Variants in BACE1 observed in about 807,000 individuals in gnomAD.
BACE1 encodes the protein APP beta-secretase.
BACE1 carries 21 observed loss-of-function variants against 54.0 expected under a neutral mutation model. The observed-to-expected ratio is 0.39, with a 90% CI of 0.28 to 0.56. The LOEUF (loss-of-function observed/expected upper bound fraction) is 0.56, where lower values mean the gene tolerates loss of function less well. Among genes scored for constraint, BACE1 ranks in the 20% least tolerant of loss-of-function variants. The probability of loss-of-function intolerance (pLI) is 0.63; values close to 1 mark genes in which losing one functional copy is unlikely to be tolerated. For synonymous variants in BACE1, 232 were observed against 260.9 expected, an observed-to-expected ratio of 0.89 and a Z score of 1.07; for missense variants, 511 against 661.2, an observed-to-expected ratio of 0.77 and a Z score of 2.49.
chr11:117,307,901 C>G (rs192522338), intron 1 of BACE1, among the ~76,000 whole-genome samples: 2 of 152,256 alleles, frequency 1.3e-5, no homozygotes, highest in East Asian at 1.9e-4. Context: ...GTCTTGCTGG[C>G]TTTGTCTAAT....
chr11:117,294,069 C>G, intron 3 of BACE1, 61 bp from the exon 4 acceptor site: 1 of 1,560,600 alleles, frequency 6.4e-7, no homozygotes, highest in Non-Finnish European at 8.7e-7. Flanking sequence ...AGGCCAGCTT[C>G]CTGTCTAAAC....
chr11:117,306,157 G>A (rs1442958680), intron 1 of BACE1, among the ~76,000 whole-genome samples: 1 of 152,198 alleles, frequency 6.6e-6, no homozygotes, highest in African/African-American at 2.4e-5. Flanking sequence ...GTTTGAAGGG[G>A]AGGTTTGATT....
chr11:117,295,436 T>C, intron 2 of BACE1, 89 bp from the exon 3 acceptor site: 1 of 1,549,064 alleles, frequency 6.5e-7, no homozygotes, highest in Non-Finnish European at 8.7e-7. Flanking sequence ...CCACCTTATC[T>C]CATCTCAGGG....
At chr11:117,298,857 G>A (rs919114369) in intron 1 of BACE1, among the ~76,000 whole-genome samples, 5 of 152,212 alleles carry the variant, frequency 3.3e-5, no homozygotes, top group Admixed American at 3.3e-4. Context: ...CCAGGCTGGA[G>A]TGCAATGGCG....
At chr11:117,308,134 G>A (rs2034872370) in intron 1 of BACE1, among the ~76,000 whole-genome samples, 1 of 151,968 alleles carries the variant, frequency 6.6e-6, no homozygotes. Flanking sequence ...CACCGCTGAG[G>A]TCCCTTTACA....
intron 1 of BACE1, among the ~76,000 whole-genome samples, chr11:117,308,234 A>G (rs749095579): frequency 3.3e-5 from 5 of 152,122 alleles, no homozygotes; most frequent in South Asian, 2.1e-4. Flanking sequence ...ATAGTTTTCT[A>G]CTGCTCTGAT....
chr11:117,296,805 TC>T, intron 2 of BACE1, 67 bp downstream of exon 2: 2 of 1,239,326 alleles, frequency 1.6e-6, no homozygotes, highest in African/African-American at 3.0e-5. Context: ...TCTGTACCCC[TC>T]CCCTGACCCT....
At chr11:117,296,766 G>C (rs1262729729) in intron 2 of BACE1, 107 bp downstream of exon 2, 14 of 903,132 alleles carry the variant, frequency 1.6e-5, no homozygotes, top group Non-Finnish European at 2.4e-5. Context: ...TCCCTGGCAA[G>C]AAGAAAATCT....
At chr11:117,295,673 GCATCTCT>G in intron 2 of BACE1, 1 of 1,518,394 alleles carries the variant, frequency 6.6e-7, no homozygotes, top group Non-Finnish European at 8.8e-7. Flanking sequence ...CAGCTAGTGG[GCATCTCT>G]TCCGCCCTCT....
At chr11:117,294,155 A>C (rs2034534142) in intron 3 of BACE1, 147 bp from the exon 4 acceptor site, 1 of 788,084 alleles carries the variant, frequency 1.3e-6, no homozygotes, top group Non-Finnish European at 1.9e-6. Context: ...TGGCAGAGGA[A>C]GGGTTAGCAG....
rs373405610 is a variant in BACE1 at position 117,295,359 on chromosome 11, A to C, written c.351-12T>G. ...GGTATGTGCTGGACCTGTGGAAAGA[A>C]GGCAGAGATCTGTGGATGCATAACC... On this transcript the variant is annotated splice_polypyrimidine_tract_variant and intron_variant, in intron 2 of 8. Coordinates refer to ENST00000313005, the MANE Select transcript of BACE1 (RefSeq NM_012104.6). 519 of 1,609,972 alleles carry C rather than the reference A, an allele frequency of 3.2e-4. No individual in the cohort carries two copies. The highest frequency in any genetic ancestry group is 4.0e-4 in the Non-Finnish European group (473 of 1,176,688).
At chr11:117,314,119 G>T (rs1187120042) in intron 1 of BACE1, among the ~76,000 whole-genome samples, 4 of 152,196 alleles carry the variant, frequency 2.6e-5, no homozygotes, top group Admixed American at 6.5e-5. Context: ...TGGGGTCCAT[G>T]CACAGTGTGC....
In BACE1 at chr11:117,292,181, C is replaced by CT. The variant is rs1173571595; in HGVS notation, c.841-369dup. The CT allele has an allele frequency of 9.5e-3, 597 of 62,854 alleles. 53 individuals are homozygous for CT. Among genetic ancestry groups the CT allele is most frequent in the Non-Finnish European group, 0.012 (455 of 36,666 alleles). 3.9% of individuals were successfully genotyped at this position (62,854 alleles called of 1,614,324 possible). A position where few individuals can be genotyped will look rare whatever the true frequency, so the allele number is the denominator to read the frequency against. ...GTTTAGTGCTTTTAACTTTTCTTTT[C>CT]TTTTTTTTTTTTTTTTTTTTTTTTT... On this transcript the variant is annotated intron_variant, in intron 5 of 8. Coordinates refer to ENST00000313005, the MANE Select transcript of BACE1 (RefSeq NM_012104.6).
chr11:117,298,860 C>T (rs1411328321), intron 1 of BACE1, among the ~76,000 whole-genome samples: 2 of 152,198 alleles, frequency 1.3e-5, no homozygotes, highest in African/African-American at 2.4e-5. Flanking sequence ...GGCTGGAGTG[C>T]AATGGCGCGA....
intron 2 of BACE1, 114 bp from the exon 3 acceptor site, chr11:117,295,461 G>C (rs758114976): frequency 4.5e-6 from 7 of 1,538,806 alleles, no homozygotes; most frequent in Non-Finnish European, 6.1e-6. Context: ...CCTAGAGTCT[G>C]CTTTCAGGCT....
At chr11:117,296,809 C>T in intron 2 of BACE1, 64 bp downstream of exon 2, 1 of 1,309,670 alleles carries the variant, frequency 7.6e-7, no homozygotes, top group Non-Finnish European at 1.1e-6. Context: ...TACCCCTCCC[C>T]TGACCCTTCT....
At chr11:117,303,109 C>T (rs891463939) in intron 1 of BACE1, among the ~76,000 whole-genome samples, 11 of 152,166 alleles carry the variant, frequency 7.2e-5, no homozygotes, top group African/African-American at 2.4e-4. Context: ...GGAGGGATCT[C>T]TCAGTGGCTC....
rs2134433039 is a variant in BACE1 at position 117,286,648 on chromosome 11, T to G, written c.*2918A>C. 6.5e-6 allele frequency: 1 copy of G among 152,878 alleles called. No individual in the cohort carries two copies. The highest frequency in any genetic ancestry group is 2.1e-4 in the South Asian group (1 of 4,826). 9.5% of individuals were successfully genotyped at this position (152,878 alleles called of 1,614,324 possible). A position where few individuals can be genotyped will look rare whatever the true frequency, so the allele number is the denominator to read the frequency against. On this transcript the variant is annotated 3_prime_UTR_variant, in exon 9 of 9. Coordinates refer to ENST00000313005, the MANE Select transcript of BACE1 (RefSeq NM_012104.6). ...TTTGATACTCTTTTCCTTCTTTGTC[T>G]TTCATCCTTGCCTATCACCTCACAG...
intron 5 of BACE1, chr11:117,292,845 GT>G (rs906094642): frequency 1.8e-3 from 898 of 501,390 alleles, no homozygotes; most frequent in South Asian, 2.3e-3. Context: ...CTAGTTCCAT[GT>G]TTTTTTTTTC....
Sources: allele counts gnomAD v4.1 joint callset (sites outside exome capture counted in the v4.1 genomes callset), GRCh38; gene constraint gnomAD v4.1.1; transcripts MANE v1.5; gene names NCBI Gene and HGNC (gene_info 2026-07-23, HGNC 2026-07-21).